Variants in SPOPL observed in about 807,000 individuals in gnomAD.
SPOPL encodes the protein speckle type BTB/POZ protein like.
A neutral mutation model predicts 53.8 loss-of-function variants in SPOPL; 23 were observed. The observed-to-expected ratio is 0.43, with a 90% confidence interval of 0.31 to 0.61. The LOEUF is 0.61. Ranked by LOEUF, SPOPL falls within the 20% of genes least tolerant of loss-of-function variation. SPOPL has a pLI of 0.12. For synonymous variants in SPOPL, 164 were observed against 149.7 expected (o/e 1.10, Z -0.70); for missense variants, 442 against 466.9 (o/e 0.95, Z 0.49).
intron 1 of SPOPL, among the ~76,000 whole-genome samples, chr2:138,536,876 G>A (rs567743414): frequency 6.6e-6 from 1 of 152,350 alleles, no homozygotes; most frequent in Admixed American, 6.5e-5. Flanking sequence ...TCTGGAGTAA[G>A]GAGGAAGGAA....
chr2:138,521,235 A>G (rs1684549671), intron 1 of SPOPL, among the ~76,000 whole-genome samples: 1 of 152,238 alleles, frequency 6.6e-6, no homozygotes, highest in African/African-American at 2.4e-5. Context: ...GGAACTGGAC[A>G]GAGTTTAGCA....
At position 138,573,073 on chromosome 2, in the gene SPOPL, A is replaced by G. The variant is rs1685820624; in HGVS notation, c.*3993A>G. ...TAGTTCTTGGGGAAATTGATTTTCA[A>G]GATTCAAGTGTATAAAAACTTATAT... On this transcript the variant is annotated 3_prime_UTR_variant, in exon 11 of 11. Coordinates refer to ENST00000280098, the MANE Select transcript of SPOPL (RefSeq NM_001001664.3). 6.6e-6 allele frequency: 1 copy of G among 152,170 alleles called. No individual in the cohort carries two copies. Among genetic ancestry groups the G allele is most frequent in the Non-Finnish European group, 1.5e-5 (1 of 68,012 alleles). The allele number at this position is 152,170 out of a possible 1,614,324, so 9.4% of individuals were successfully genotyped here.
chr2:138,536,722 A>G (rs1684944007), intron 1 of SPOPL, among the ~76,000 whole-genome samples: 2 of 151,710 alleles, frequency 1.3e-5, no homozygotes, highest in African/African-American at 2.4e-5. Flanking sequence ...GTCTCTTCTC[A>G]TTTGCCTCTC....
At chr2:138,550,808 C>T in intron 3 of SPOPL, 95 bp from the exon 4 acceptor site, 1 of 1,399,316 alleles carries the variant, frequency 7.1e-7, no homozygotes, top group Non-Finnish European at 9.6e-7. Context: ...CACATGATTT[C>T]AGTGTTCTCT....
intron 6 of SPOPL, 36 bp downstream of exon 6, chr2:138,559,235 A>G: frequency 6.2e-7 from 1 of 1,610,562 alleles, no homozygotes; most frequent in South Asian, 1.1e-5. Context: ...AGTACATTTA[A>G]AAAAATGCAT....
chr2:138,553,275 A>G (rs1357206404), intron 5 of SPOPL, among the ~76,000 whole-genome samples: 1 of 152,116 alleles, frequency 6.6e-6, no homozygotes, highest in Non-Finnish European at 1.5e-5. Context: ...CCAATAATGT[A>G]CACTTATGAT....
intron 10 of SPOPL, among the ~76,000 whole-genome samples, chr2:138,566,057 A>G (rs1222284786): frequency 1.3e-5 from 2 of 152,126 alleles, no homozygotes; most frequent in Non-Finnish European, 2.9e-5. Context: ...GAAGGAAATG[A>G]ATTAGTTTGT....
intron 4 of SPOPL, among the ~76,000 whole-genome samples, chr2:138,551,653 A>G (rs35576903): frequency 0.15 from 22,532 of 152,050 alleles, 1,889 homozygotes; most frequent in African/African-American, 0.22. Flanking sequence ...CTAGAAATGA[A>G]TCGCAGAATC....
intron 1 of SPOPL, among the ~76,000 whole-genome samples, chr2:138,548,090 C>T (rs775803563): frequency 1.2e-4 from 18 of 152,066 alleles, no homozygotes; most frequent in Non-Finnish European, 1.9e-4. Context: ...TGATCTATAG[C>T]AAAGCCTTAT....
At chr2:138,528,763 A>G (rs2104871136) in intron 1 of SPOPL, among the ~76,000 whole-genome samples, 1 of 152,340 alleles carries the variant, frequency 6.6e-6, no homozygotes, top group Middle Eastern at 3.4e-3. Flanking sequence ...TGGAAAGGAC[A>G]TGTCTTAAAG....
intron 1 of SPOPL, among the ~76,000 whole-genome samples, chr2:138,513,739 CAAAAA>C (rs33913820): frequency 8.9e-6 from 1 of 112,636 alleles, no homozygotes; most frequent in African/African-American, 3.0e-5. Flanking sequence ...GACCTTACCT[CAAAAA>C]AAAAAAAAAA....
At chr2:138,512,564 T>C (rs1353744819) in intron 1 of SPOPL, among the ~76,000 whole-genome samples, 1 of 152,248 alleles carries the variant, frequency 6.6e-6, no homozygotes, top group African/African-American at 2.4e-5. Context: ...CACATGATTT[T>C]GTTGGTTCAC....
intron 1 of SPOPL, among the ~76,000 whole-genome samples, chr2:138,523,418 A>G (rs1470518223): frequency 6.6e-6 from 1 of 152,156 alleles, no homozygotes; most frequent in Non-Finnish European, 1.5e-5. Context: ...AAACCATATC[A>G]TTCTGCCCCT....
intron 1 of SPOPL, among the ~76,000 whole-genome samples, chr2:138,528,408 C>T (rs147753870): frequency 4.6e-5 from 7 of 152,126 alleles, no homozygotes; most frequent in African/African-American, 1.4e-4. Context: ...AATTTATTGC[C>T]GTTCCTCTGA....
At chr2:138,506,634 G>A (rs1404213796) in intron 1 of SPOPL, among the ~76,000 whole-genome samples, 2 of 152,150 alleles carry the variant, frequency 1.3e-5, no homozygotes, top group African/African-American at 4.8e-5. Context: ...AGTACTGGGG[G>A]AGGAGCAGTT....
At chr2:138,541,360 A>G (rs1368994588) in intron 1 of SPOPL, among the ~76,000 whole-genome samples, 1 of 152,144 alleles carries the variant, frequency 6.6e-6, no homozygotes, top group Non-Finnish European at 1.5e-5. Flanking sequence ...TCAGCTGTGA[A>G]TCCATCTGGT....
intron 10 of SPOPL, among the ~76,000 whole-genome samples, chr2:138,567,143 G>A (rs1268061990): frequency 6.6e-6 from 1 of 152,176 alleles, no homozygotes; most frequent in Non-Finnish European, 1.5e-5. Flanking sequence ...TGGTCTAGCA[G>A]CAGATTAAAC....
chr2:138,566,394 C>A (rs1558883091), intron 10 of SPOPL, among the ~76,000 whole-genome samples: 1 of 151,384 alleles, frequency 6.6e-6, no homozygotes, highest in African/African-American at 2.4e-5. Context: ...TTTTCAGTGT[C>A]AAAAAAAATA....
rs1482835848 is a variant in SPOPL at position 138,526,759 on chromosome 2, C to G, written c.-60-23398C>G. ...TTTTTTTTTTTGAGACAGCGTCTCA[C>G]TCTGTCACCCAGGCTGGAGTGCAGT... On this transcript the variant is annotated intron_variant, in intron 1 of 10. Transcript: ENST00000280098. 4.1e-5 allele frequency among the ~76,000 whole-genome samples: 6 copies of G among 146,862 alleles called. No homozygotes were observed. In the South Asian group the frequency reaches 1.3e-3, roughly 32 times the overall value.
Sources: gnomAD v4.1 joint callset for allele counts (sites outside exome capture counted in the v4.1 genomes callset) on GRCh38, gnomAD v4.1.1 for gene constraint, MANE v1.5 for transcripts, NCBI Gene and HGNC (gene_info 2026-07-23, HGNC 2026-07-21) for gene names.